The following HERPUD2 variants were observed in gnomAD, a reference collection of about 807,000 sequenced individuals.
HERPUD2 encodes the protein HERPUD family member 2.
A neutral mutation model predicts 49.9 loss-of-function variants in HERPUD2; 13 were observed. That is an observed-to-expected ratio of 0.26 (90% CI 0.17 to 0.41). HERPUD2 has a LOEUF of 0.41. Among genes scored for constraint, HERPUD2 ranks in the 10% least tolerant of loss-of-function variants. The pLI is 1.00. For missense variants in HERPUD2, 449 were observed against 492.2 expected, an observed-to-expected ratio of 0.91 and a Z score of 0.83; for synonymous variants, 172 against 171.4, an observed-to-expected ratio of 1.00 and a Z score of -0.03.
At position 35,694,270 on chromosome 7, in the gene HERPUD2, AT is replaced by A; in HGVS notation, c.60del (p.Lys20AsnfsTer11). 6.2e-7 allele frequency: 1 copy of A among 1,614,038 alleles called. No individual in the cohort carries two copies. Among genetic ancestry groups the A allele is most frequent in the Non-Finnish European group, 8.5e-7 (1 of 1,179,990 alleles). On this transcript the variant is annotated frameshift_variant, in exon 2 of 9. Transcript: ENST00000311350. LOFTEE classifies it high-confidence loss of function. ...AAGCAGCTAATAGTCTGGTCACTGT[AT>A]TTCTGATTCGGTGCTTTAATGATGA... ...VTLIIKAPNQ[K>X]YSDQTISCFL... is the part of the protein sequence containing the mutation.
chr7:35,661,910 C>A lies in HERPUD2; in HGVS notation c.494+5524G>T, dbSNP rs200877334. Among the ~76,000 whole-genome samples, 24 of 152,222 alleles carry A rather than the reference C, an allele frequency of 1.6e-4. No homozygotes were observed. In the East Asian group the frequency reaches 4.6e-3, roughly 29 times the overall value. ...GCCCTGGCCAGAACTTCCAACACTA[C>A]GTTGAAAAGGAGTGGTGAGAGACGG... On this transcript the variant is annotated intron_variant, in intron 5 of 8. Transcript: ENST00000311350.
At chr7:35,673,824 A>G (rs1785693328) in intron 2 of HERPUD2, among the ~76,000 whole-genome samples, 1 of 152,154 alleles carries the variant, frequency 6.6e-6, no homozygotes, top group African/African-American at 2.4e-5. Flanking sequence ...TTTACTTACT[A>G]TTCTAATTAT....
intron 5 of HERPUD2, among the ~76,000 whole-genome samples, chr7:35,648,567 C>G (rs1322317688): frequency 6.6e-6 from 1 of 152,230 alleles, no homozygotes; most frequent in Non-Finnish European, 1.5e-5. Flanking sequence ...ATACTTCCCC[C>G]TCTCAATGCT....
intron 2 of HERPUD2, among the ~76,000 whole-genome samples, chr7:35,685,988 A>ATAAATAAC (rs1562688124): frequency 6.7e-5 from 10 of 150,118 alleles, no homozygotes; most frequent in African/African-American, 1.5e-4. Context: ...AAATAAATAA[A>ATAAATAAC]TAACTTAAAT....
intron 8 of HERPUD2, among the ~76,000 whole-genome samples, chr7:35,634,088 GAAA>G (rs150004136): frequency 2.0e-3 from 304 of 150,962 alleles, no homozygotes; most frequent in Non-Finnish European, 3.7e-3. Flanking sequence ...CTATTTTCAA[GAAA>G]AAAAAAGTTA....
intron 3 of HERPUD2, among the ~76,000 whole-genome samples, chr7:35,671,500 T>C (rs1785644432): frequency 6.6e-6 from 1 of 152,084 alleles, no homozygotes; most frequent in Non-Finnish European, 1.5e-5. Context: ...TTAACAAGCA[T>C]ACAAGTATAA....
chr7:35,633,999 T>C (rs2115811784), intron 8 of HERPUD2, 148 bp from the exon 9 acceptor site: 1 of 713,386 alleles, frequency 1.4e-6, no homozygotes, highest in Non-Finnish European at 2.3e-6. Flanking sequence ...AATTGATAAA[T>C]TCCTCACTGT....
At chr7:35,668,057 A>G (rs1157763966) in intron 4 of HERPUD2, among the ~76,000 whole-genome samples, 1 of 136,238 alleles carries the variant, frequency 7.3e-6, no homozygotes, top group East Asian at 2.2e-4. Context: ...GATTTAAAGT[A>G]ATGAGAAACA....
intron 2 of HERPUD2, among the ~76,000 whole-genome samples, chr7:35,690,769 A>G (rs1047171285): frequency 6.6e-6 from 1 of 151,990 alleles, no homozygotes; most frequent in African/African-American, 2.4e-5. Flanking sequence ...AGATAGCGCC[A>G]TTGCACTCCA....
At chr7:35,637,911 G>C (rs10280032) in intron 6 of HERPUD2, among the ~76,000 whole-genome samples, 58,881 of 151,964 alleles carry the variant, frequency 0.39, 11,924 homozygotes, top group South Asian at 0.56. Context: ...GGCTGAGAAA[G>C]TGTCCTCAAT....
intron 2 of HERPUD2, among the ~76,000 whole-genome samples, chr7:35,674,558 G>T (rs913033369): frequency 1.3e-5 from 2 of 151,232 alleles, no homozygotes; most frequent in Non-Finnish European, 2.9e-5. Context: ...TCTTCAGAAA[G>T]ATGAGTATCT....
intron 5 of HERPUD2, among the ~76,000 whole-genome samples, chr7:35,652,055 A>T (rs2115883286): frequency 6.6e-6 from 1 of 152,348 alleles, no homozygotes; most frequent in East Asian, 1.9e-4. Flanking sequence ...CCTCCCTAGT[A>T]TCTAAAGTCA....
At chr7:35,680,538 C>G (rs1455314640) in intron 2 of HERPUD2, among the ~76,000 whole-genome samples, 1 of 152,190 alleles carries the variant, frequency 6.6e-6, no homozygotes, top group East Asian at 1.9e-4. Context: ...TGGCTTCTGT[C>G]TCTCTCCAAA....
chr7:35,677,838 T>C (rs1205405547), intron 2 of HERPUD2, among the ~76,000 whole-genome samples: 1 of 152,098 alleles, frequency 6.6e-6, no homozygotes, highest in Non-Finnish European at 1.5e-5. Flanking sequence ...GTAGAGGAGT[T>C]GGACTTACAG....
In HERPUD2 at chr7:35,692,373, T is replaced by C. The variant is rs116611747; in HGVS notation, c.147+1811A>G. ...GCAGACTAGGTCCCTTTTGGTTTAATAGTACAATGTAAAGATCTCGCCTAC... is the reference window on the plus strand; with the variant it reads ...GCAGACTAGGTCCCTTTTGGTTTAACAGTACAATGTAAAGATCTCGCCTAC... On this transcript the variant is annotated intron_variant, in intron 2 of 8. Transcript: ENST00000311350. 7.9e-3 allele frequency among the ~76,000 whole-genome samples: 1,199 copies of C among 152,340 alleles called. 20 individuals carry two copies. The highest frequency in any genetic ancestry group is 0.027 in the African/African-American group (1,138 of 41,578).
chr7:35,672,276 A>G (rs1165109105), intron 3 of HERPUD2, among the ~76,000 whole-genome samples: 1 of 151,956 alleles, frequency 6.6e-6, no homozygotes, highest in East Asian at 1.9e-4. Context: ...TTTAAAAAAA[A>G]AAAAGAGGAA....
chr7:35,637,730 T>C (rs1315574385), intron 6 of HERPUD2, among the ~76,000 whole-genome samples: 2 of 152,170 alleles, frequency 1.3e-5, no homozygotes, highest in African/African-American at 2.4e-5. Flanking sequence ...AAATACGTGA[T>C]GAACTGAGAA....
chr7:35,670,849 T>A (rs192925158), intron 3 of HERPUD2, among the ~76,000 whole-genome samples: 1 of 152,152 alleles, frequency 6.6e-6, no homozygotes, highest in Non-Finnish European at 1.5e-5. Flanking sequence ...ATTTAAACTA[T>A]ATTCTGTAAA....
chr7:35,670,327 T>C lies in HERPUD2; in HGVS notation c.227A>G (p.Gln76Arg). The C allele has an allele frequency of 7.1e-7, 1 of 1,410,140 alleles. No homozygotes were observed. The highest frequency in any genetic ancestry group is 9.6e-7 in the Non-Finnish European group (1 of 1,042,302). 87.4% of individuals were successfully genotyped at this position (1,410,140 alleles called of 1,614,324 possible). A position where few individuals can be genotyped will look rare whatever the true frequency, so the allele number is the denominator to read the frequency against. ...HLQLKDILRK[Q>R]DEYHMVHLVC... Reference sequence around the variant, plus strand: ...TAGATGAACCATATGATACTCATCTTGCTAAAATTAAAGAAGATTACATTT... The same window carrying C: ...TAGATGAACCATATGATACTCATCTCGCTAAAATTAAAGAAGATTACATTT... The change falls in exon 4 of 9, where the codon CAA becomes CGA. Residue 76 changes from glutamine (Q) to arginine (R), a missense_variant and splice_region_variant. Transcript: ENST00000311350.
Sources: allele counts gnomAD v4.1 joint callset (sites outside exome capture counted in the v4.1 genomes callset), GRCh38; gene constraint gnomAD v4.1.1; transcripts MANE v1.5; gene names NCBI Gene and HGNC (gene_info 2026-07-23, HGNC 2026-07-21).